The following BBS9 variants were observed in gnomAD, a reference collection of about 807,000 sequenced individuals.
BBS9 encodes the protein Bardet-Biedl syndrome 9.
In BBS9, 89 loss-of-function variants were observed where a neutral mutation model predicts 117.7. The ratio of observed to expected loss-of-function variants is 0.76; its 90% CI spans 0.64 to 0.90. BBS9 has a LOEUF of 0.90. Among genes scored for constraint, BBS9 ranks in the 40% least tolerant of loss-of-function variants. The probability of loss-of-function intolerance (pLI) is 0.00; values close to 1 mark genes in which losing one functional copy is unlikely to be tolerated. For missense variants in BBS9, 982 were observed against 1,042.2 expected, an observed-to-expected ratio of 0.94 and a Z score of 0.80; for synonymous variants, 379 against 370.9, an observed-to-expected ratio of 1.02 and a Z score of -0.25.
At chr7:33,555,637 T>C (rs1470380606) in intron 21 of BBS9, among the ~76,000 whole-genome samples, 1 of 152,000 alleles carries the variant, frequency 6.6e-6, no homozygotes, top group Admixed American at 6.6e-5. Flanking sequence ...GAGATAAGGA[T>C]TGAGGGGAAA....
At chr7:33,154,965 C>G (rs1793890714) in intron 3 of BBS9, among the ~76,000 whole-genome samples, 1 of 152,206 alleles carries the variant, frequency 6.6e-6, no homozygotes, top group Non-Finnish European at 1.5e-5. Context: ...ACTCTTTACT[C>G]ATTAACAACC....
intron 21 of BBS9, among the ~76,000 whole-genome samples, chr7:33,634,332 T>C (rs1866041795): frequency 6.6e-6 from 1 of 152,220 alleles, no homozygotes; most frequent in African/African-American, 2.4e-5. Context: ...GGAGCTTGTT[T>C]GGACTCTGCA....
intron 20 of BBS9, among the ~76,000 whole-genome samples, chr7:33,526,251 A>G (rs1409211641): frequency 2.6e-5 from 4 of 152,068 alleles, no homozygotes; most frequent in African/African-American, 9.7e-5. Flanking sequence ...CTGGAGGAGT[A>G]TCTTTGTGGC....
At chr7:33,616,489 G>GTATATATATATATATATATA (rs1865140695) in intron 21 of BBS9, among the ~76,000 whole-genome samples, 1 of 137,740 alleles carries the variant, frequency 7.3e-6, no homozygotes, top group African/African-American at 2.9e-5. Flanking sequence ...ATGTGTGTGT[G>GTATATATATATATATATATA]TGTGTATATA....
At chr7:33,488,975 T>A (rs1362207791) in intron 19 of BBS9, among the ~76,000 whole-genome samples, 2 of 150,274 alleles carry the variant, frequency 1.3e-5, no homozygotes, top group East Asian at 3.9e-4. Flanking sequence ...CAGATAACAT[T>A]CAGGACAGAC....
chr7:33,336,172 G>A (rs1321697976), intron 9 of BBS9, among the ~76,000 whole-genome samples: 1 of 152,182 alleles, frequency 6.6e-6, no homozygotes, highest in African/African-American at 2.4e-5. Flanking sequence ...AGCAGGATTT[G>A]CTTTGTAGTT....
At chr7:33,192,722 G>A (rs977094474) in intron 5 of BBS9, among the ~76,000 whole-genome samples, 3 of 152,184 alleles carry the variant, frequency 2.0e-5, no homozygotes, top group Non-Finnish European at 4.4e-5. Flanking sequence ...CACAGGTCTG[G>A]AGGCTGGGAA....
At chr7:33,311,413 C>G (rs1329083933) in intron 9 of BBS9, among the ~76,000 whole-genome samples, 1 of 152,156 alleles carries the variant, frequency 6.6e-6, no homozygotes, top group African/African-American at 2.4e-5. Context: ...ACCTTTTTTA[C>G]TATCTTGCTT....
At chr7:33,211,353 T>G (rs1053652897) in intron 5 of BBS9, among the ~76,000 whole-genome samples, 5 of 152,188 alleles carry the variant, frequency 3.3e-5, no homozygotes, top group African/African-American at 1.2e-4. Context: ...GAAGTTCCTG[T>G]GAGGCTTGCA....
At chr7:33,260,879 C>T (rs920670926) in intron 6 of BBS9, among the ~76,000 whole-genome samples, 2 of 152,296 alleles carry the variant, frequency 1.3e-5, no homozygotes, top group East Asian at 1.9e-4. Context: ...ATACCCCTTC[C>T]CCAGCAACCC....
At chr7:33,231,426 G>GTTTTTTTTTTTTTTTTTTTTTTTTT (rs1583766817) in intron 5 of BBS9, among the ~76,000 whole-genome samples, 1 of 71,508 alleles carries the variant, frequency 1.4e-5, no homozygotes, top group African/African-American at 5.0e-5. Context: ...TGGCCTATGT[G>GTTTTTTTTTTTTTTTTTTTTTTTTT]TCTTTTTTTT....
intron 5 of BBS9, among the ~76,000 whole-genome samples, chr7:33,207,852 G>A (rs11525807): frequency 0.19 from 28,532 of 151,750 alleles, 2,900 homozygotes; most frequent in Non-Finnish European, 0.23. Flanking sequence ...CTGTCACCCA[G>A]GCTGGAGTGC....
intron 19 of BBS9, among the ~76,000 whole-genome samples, chr7:33,409,147 G>A (rs1044624394): frequency 2.6e-5 from 4 of 152,024 alleles, no homozygotes; most frequent in Admixed American, 1.3e-4. Flanking sequence ...CGTGCAGATG[G>A]TCTTTAGTTT....
intron 21 of BBS9, among the ~76,000 whole-genome samples, chr7:33,593,210 C>T (rs1459727209): frequency 6.6e-6 from 1 of 152,118 alleles, no homozygotes; most frequent in Admixed American, 6.6e-5. Context: ...GTAGATCTTA[C>T]ATTTCATTGC....
chr7:33,403,082 A>T (rs1487279232), intron 19 of BBS9, among the ~76,000 whole-genome samples: 1 of 151,200 alleles, frequency 6.6e-6, no homozygotes, highest in Non-Finnish European at 1.5e-5. Flanking sequence ...TTCCTTTAAA[A>T]TTTTTTAAAA....
chr7:33,382,641 G>GT, intron 17 of BBS9, among the ~76,000 whole-genome samples: 1 of 152,230 alleles, frequency 6.6e-6, no homozygotes, highest in Non-Finnish European at 1.5e-5. Context: ...AATATCTAGT[G>GT]TTCCAGTGCC....
chr7:33,502,296 G>A (rs1201377796), intron 19 of BBS9, among the ~76,000 whole-genome samples: 1 of 152,138 alleles, frequency 6.6e-6, no homozygotes, highest in East Asian at 1.9e-4. Context: ...GGGAAGGGTA[G>A]GAAGCCTGAT....
At chr7:33,463,427 A>T (rs759751827) in intron 19 of BBS9, among the ~76,000 whole-genome samples, 6 of 151,954 alleles carry the variant, frequency 3.9e-5, no homozygotes, top group Non-Finnish European at 8.8e-5. Context: ...AAAAAAAAAT[A>T]GTTGTCTTGT....
chr7:33,602,925 C>T (rs1435443887), intron 21 of BBS9, among the ~76,000 whole-genome samples: 2 of 152,100 alleles, frequency 1.3e-5, no homozygotes, highest in African/African-American at 4.8e-5. Context: ...GAGGAAATTA[C>T]GTTCATTGTT....
Sources: gnomAD v4.1 joint callset for allele counts (sites outside exome capture counted in the v4.1 genomes callset) on GRCh38, gnomAD v4.1.1 for gene constraint, MANE v1.5 for transcripts, NCBI Gene and HGNC (gene_info 2026-07-23, HGNC 2026-07-21) for gene names.